Variants in CELF2 observed in about 807,000 individuals in gnomAD.
CELF2 encodes the protein CUG triplet repeat RNA-binding protein 2.
In CELF2, 8 loss-of-function variants were observed where a neutral mutation model predicts 62.6. That is an observed-to-expected ratio of 0.13 (90% CI 0.07 to 0.23). The LOEUF (loss-of-function observed/expected upper bound fraction) is 0.23, where lower values mean the gene tolerates loss of function less well. Among genes scored for constraint, CELF2 ranks in the 10% least tolerant of loss-of-function variants. The probability of loss-of-function intolerance (pLI) is 1.00; values close to 1 mark genes in which losing one functional copy is unlikely to be tolerated. For synonymous variants in CELF2, 258 were observed against 250.0 expected, an observed-to-expected ratio of 1.03 and a Z score of -0.30; for missense variants, 333 against 671.0, an observed-to-expected ratio of 0.50 and a Z score of 5.56.
the CELF2 span, among the ~76,000 whole-genome samples, chr10:10,690,879 G>A: frequency 1.6e-3 from 239 of 152,060 alleles, no homozygotes; most frequent in South Asian, 4.2e-3. Context: ...ACTCTGTCTC[G>A]AAAAAACAAA....
At chr10:10,665,698 G>C in the CELF2 span, among the ~76,000 whole-genome samples, 1 of 152,112 alleles carries the variant, frequency 6.6e-6, no homozygotes, top group South Asian at 2.1e-4. Context: ...TTAAAAGAAG[G>C]TTGATGCTAT....
intron 1 of CELF2, among the ~76,000 whole-genome samples, chr10:11,103,103 A>G (rs1047254627): frequency 6.6e-6 from 1 of 152,164 alleles, no homozygotes; most frequent in African/African-American, 2.4e-5. Flanking sequence ...GTGCCTCACA[A>G]TGCGGCTGCA....
rs944300829 is a variant in CELF2 at position 11,039,613 on chromosome 10, A to G, written c.74+21450A>G. 6.6e-6 allele frequency among the ~76,000 whole-genome samples: 1 copy of G among 152,216 alleles called. No individual in the cohort carries two copies. Among genetic ancestry groups the G allele is most frequent in the African/African-American group, 2.4e-5 (1 of 41,450 alleles). Reference sequence around the variant, plus strand: ...CTTCTAATGCATGTTACTGAAAACAAGTTCTTGAGTCACAGTTTAAGGTTC... The same window carrying G: ...CTTCTAATGCATGTTACTGAAAACAGGTTCTTGAGTCACAGTTTAAGGTTC... On this transcript the variant is annotated intron_variant, in intron 1 of 12. Transcript: ENST00000633077. This position sits in a 1 kb window ranked among gnomAD's most constrained non-coding sequence, Gnocchi z 4.1.
chr10:11,039,401 A>G lies in CELF2; in HGVS notation c.74+21238A>G, dbSNP rs1045240017. On this transcript the variant is annotated intron_variant, in intron 1 of 12. Coordinates refer to ENST00000633077, the MANE Select transcript of CELF2 (RefSeq NM_001326342.2). The surrounding 1 kb of genome is among the most constrained non-coding windows in gnomAD (Gnocchi z 4.1). ...TAAATAACATAGTACTTTTTGGACT[A>G]TTCCTCCAACCTACTTCTTATGCTG... Among the ~76,000 whole-genome samples, 13 of 152,196 alleles carry G rather than the reference A, an allele frequency of 8.5e-5. No individual in the cohort carries two copies. Among genetic ancestry groups the G allele is most frequent in the African/African-American group, 2.7e-4 (11 of 41,448 alleles).
rs190966382 is a variant in CELF2 at position 11,057,042 on chromosome 10, G to C, written c.74+38879G>C. Among the ~76,000 whole-genome samples the C allele has an allele frequency of 3.3e-5, 5 of 152,318 alleles. No individual in the cohort carries two copies. In the East Asian group the frequency reaches 5.8e-4, roughly 18 times the overall value. On this transcript the variant is annotated intron_variant, in intron 1 of 12. Transcript: ENST00000633077. ...GAATTCCAGGTTGGTAGGTTGGAGG[G>C]GAGGCTGTGCTGGGGCAATTAGTGA...
At chr10:11,072,940 T>C (rs1034556503) in intron 1 of CELF2, among the ~76,000 whole-genome samples, 1 of 151,948 alleles carries the variant, frequency 6.6e-6, no homozygotes, top group African/African-American at 2.4e-5. Flanking sequence ...ATTAAAATGT[T>C]AATACTATAC....
the CELF2 span, among the ~76,000 whole-genome samples, chr10:10,622,729 A>G: frequency 3.9e-5 from 6 of 152,040 alleles, no homozygotes; most frequent in African/African-American, 1.4e-4. Context: ...ATTAGTAATG[A>G]GGTGAAGGAG....
chr10:11,029,357 G>A (rs1379922258), intron 1 of CELF2, among the ~76,000 whole-genome samples: 1 of 152,224 alleles, frequency 6.6e-6, no homozygotes, highest in Non-Finnish European at 1.5e-5. Flanking sequence ...TCCACAGAAT[G>A]TGACAGTTTG....
chr10:10,558,723 G>T, the CELF2 span, among the ~76,000 whole-genome samples: 1 of 152,194 alleles, frequency 6.6e-6, no homozygotes, highest in East Asian at 1.9e-4. Flanking sequence ...TCCTGTTATT[G>T]GTCTATTCAG....
intron 1 of CELF2, among the ~76,000 whole-genome samples, chr10:10,810,999 C>A (rs1249492351): frequency 3.3e-5 from 5 of 152,216 alleles, no homozygotes; most frequent in Non-Finnish European, 1.5e-5. Flanking sequence ...TCTCTTCCAG[C>A]TTCAGAGAGT....
At chr10:11,087,213 A>G (rs1251713970) in intron 1 of CELF2, among the ~76,000 whole-genome samples, 1 of 152,190 alleles carries the variant, frequency 6.6e-6, no homozygotes, top group Non-Finnish European at 1.5e-5. Flanking sequence ...CGACCCCAGG[A>G]ATGCTCTTCA....
At chr10:11,009,031 T>G in intron 1 of CELF2, among the ~76,000 whole-genome samples, 1 of 146,680 alleles carries the variant, frequency 6.8e-6, no homozygotes, top group Non-Finnish European at 1.5e-5. Context: ...GCATTCCTGA[T>G]TCATAAAACT....
chr10:10,671,613 G>A, the CELF2 span, among the ~76,000 whole-genome samples: 1 of 152,050 alleles, frequency 6.6e-6, no homozygotes, highest in African/African-American at 2.4e-5. Flanking sequence ...TCAATATTCT[G>A]GATTTTGGCC....
the CELF2 span, among the ~76,000 whole-genome samples, chr10:10,689,562 G>T: frequency 5.3e-5 from 8 of 152,278 alleles, no homozygotes; most frequent in Admixed American, 2.6e-4. Flanking sequence ...ATAGCACTAT[G>T]AAATACTTTC....
chr10:10,945,069 G>A (rs1323733571), intron 2 of CELF2, among the ~76,000 whole-genome samples: 1 of 152,182 alleles, frequency 6.6e-6, no homozygotes, highest in Non-Finnish European at 1.5e-5. Context: ...AACAAGGATG[G>A]AAGCAGGAAA....
chr10:10,766,301 G>A, the CELF2 span, among the ~76,000 whole-genome samples: 1 of 152,130 alleles, frequency 6.6e-6, no homozygotes, highest in East Asian at 1.9e-4. Context: ...GGGTGATGAG[G>A]CACACGGAAT....
the CELF2 span, among the ~76,000 whole-genome samples, chr10:10,505,495 G>A: frequency 6.6e-6 from 1 of 151,934 alleles, no homozygotes; most frequent in Non-Finnish European, 1.5e-5. Flanking sequence ...GGAAGTTCAG[G>A]CTCCCCTACA....
At chr10:11,142,745 G>C (rs544855728) in intron 1 of CELF2, among the ~76,000 whole-genome samples, 1 of 151,058 alleles carries the variant, frequency 6.6e-6, no homozygotes, top group Non-Finnish European at 1.5e-5. Context: ...CACAGGATCC[G>C]AGAAATACAC....
chr10:10,814,560 G>GCC (rs1328270999), intron 1 of CELF2, among the ~76,000 whole-genome samples: 1 of 152,190 alleles, frequency 6.6e-6, no homozygotes, highest in Non-Finnish European at 1.5e-5. Context: ...TCCAACACGT[G>GCC]CCTCTTGGGC....
Sources: gnomAD v4.1 joint callset for allele counts (sites outside exome capture counted in the v4.1 genomes callset) on GRCh38, gnomAD v4.1.1 for gene constraint, Gnocchi (gnomAD v3.1) non-coding constraint, MANE v1.5 for transcripts, NCBI Gene and HGNC (gene_info 2026-07-23, HGNC 2026-07-21) for gene names.